Variants in MGAT4C observed in about 807,000 individuals in gnomAD.
The protein encoded by MGAT4C is MGAT4 family member C.
A neutral mutation model predicts 40.1 loss-of-function variants in MGAT4C; 19 were observed. The observed-to-expected ratio is 0.47, with a 90% CI of 0.33 to 0.70. The LOEUF (loss-of-function observed/expected upper bound fraction) is 0.70. Among genes scored for constraint, MGAT4C ranks in the 30% least tolerant of loss-of-function variants. The pLI, the probability that MGAT4C is intolerant of heterozygous loss-of-function variation, is 0.02. For missense variants in MGAT4C, 491 were observed against 563.2 expected (o/e 0.87, Z 1.30); for synonymous variants, 181 against 187.1 (o/e 0.97, Z 0.27).
intron 1 of MGAT4C, among the ~76,000 whole-genome samples, chr12:86,176,738 T>A (rs1887479010): frequency 6.6e-6 from 1 of 150,986 alleles, no homozygotes; most frequent in South Asian, 2.1e-4. Flanking sequence ...ATTTTAGCAA[T>A]GACATTAAAA....
intron 1 of MGAT4C, among the ~76,000 whole-genome samples, chr12:86,829,751 G>C (rs1275105139): frequency 6.6e-6 from 1 of 150,698 alleles, no homozygotes; most frequent in Non-Finnish European, 1.5e-5. Flanking sequence ...AAAGAAAATT[G>C]ATCATTTTCT....
At chr12:86,288,252 T>C (rs1379533443) in intron 4 of MGAT4C, among the ~76,000 whole-genome samples, 1 of 152,234 alleles carries the variant, frequency 6.6e-6, no homozygotes, top group East Asian at 1.9e-4. Context: ...ATTAGCCTTT[T>C]GTCAGATAAA....
At chr12:85,986,875 C>A (rs1436222120) in intron 3 of MGAT4C, among the ~76,000 whole-genome samples, 1 of 151,940 alleles carries the variant, frequency 6.6e-6, no homozygotes, top group Non-Finnish European at 1.5e-5. Flanking sequence ...GGATACTATT[C>A]ATTTTTAGAA....
chr12:86,731,897 C>A (rs1593158673), intron 1 of MGAT4C, among the ~76,000 whole-genome samples: 1 of 152,020 alleles, frequency 6.6e-6, no homozygotes, highest in African/African-American at 2.4e-5. Flanking sequence ...TACTTTTTTC[C>A]CCCTTCATTC....
intron 1 of MGAT4C, among the ~76,000 whole-genome samples, chr12:86,111,417 T>A (rs545593464): frequency 6.6e-6 from 1 of 151,950 alleles, no homozygotes; most frequent in Admixed American, 6.6e-5. Flanking sequence ...AATACAAGAC[T>A]ATGGAACAAG....
chr12:86,713,789 G>C (rs958554064), intron 2 of MGAT4C, among the ~76,000 whole-genome samples: 1 of 152,048 alleles, frequency 6.6e-6, no homozygotes, highest in East Asian at 1.9e-4. Flanking sequence ...CTTTTCCAAA[G>C]TCCCATAGCT....
At chr12:86,169,666 C>A (rs1886593248) in intron 1 of MGAT4C, among the ~76,000 whole-genome samples, 1 of 152,098 alleles carries the variant, frequency 6.6e-6, no homozygotes, top group African/African-American at 2.4e-5. Context: ...GCAGATGCTT[C>A]ACAGGTGACT....
At chr12:86,166,369 A>G (rs911582713) in intron 1 of MGAT4C, among the ~76,000 whole-genome samples, 3 of 152,218 alleles carry the variant, frequency 2.0e-5, no homozygotes, top group Non-Finnish European at 2.9e-5. Context: ...ATGTACTAGA[A>G]TAAAATTTGA....
rs539125740 is a variant in MGAT4C at position 86,044,377 on chromosome 12, G to A, written c.-7+5297C>T. Among the ~76,000 whole-genome samples, 9 of 152,304 alleles carry A rather than the reference G, an allele frequency of 5.9e-5. No individual in the cohort carries two copies. In the South Asian group the frequency reaches 1.9e-3, roughly 32 times the overall value. ...CACATGCCAGCAGCAGTGGCAGCAT[G>A]GTGGGTTACATGTTCATTGGTCGGG... On this transcript the variant is annotated intron_variant, in intron 2 of 4. Coordinates refer to ENST00000611864, the MANE Select transcript of MGAT4C (RefSeq NM_001351288.2).
At chr12:86,731,868 GT>G (rs545554317) in intron 1 of MGAT4C, among the ~76,000 whole-genome samples, 69 of 152,154 alleles carry the variant, frequency 4.5e-4, no homozygotes, top group Middle Eastern at 3.4e-3. Context: ...CATAAAGGCT[GT>G]TTTTTAGCTA....
intron 1 of MGAT4C, among the ~76,000 whole-genome samples, chr12:86,779,566 C>T (rs1297497138): frequency 2.0e-5 from 3 of 151,842 alleles, no homozygotes; most frequent in African/African-American, 4.8e-5. Flanking sequence ...GGCGACACTG[C>T]ACTACAGCCT....
At chr12:86,215,412 T>C (rs766206411) in intron 1 of MGAT4C, among the ~76,000 whole-genome samples, 5 of 152,192 alleles carry the variant, frequency 3.3e-5, no homozygotes, top group Non-Finnish European at 7.3e-5. Context: ...CCCCCACACA[T>C]AGCAAACTGC....
At chr12:86,480,559 T>C (rs1459382962) in intron 2 of MGAT4C, among the ~76,000 whole-genome samples, 5 of 149,424 alleles carry the variant, frequency 3.3e-5, no homozygotes. Flanking sequence ...TGTATACATA[T>C]ATAGATATGT....
chr12:86,090,556 T>C (rs188513034), intron 1 of MGAT4C, among the ~76,000 whole-genome samples: 1 of 151,996 alleles, frequency 6.6e-6, no homozygotes, highest in East Asian at 1.9e-4. Flanking sequence ...TCTGTAAATA[T>C]TCTTTACTTT....
chr12:86,159,529 C>T (rs1056222099), intron 1 of MGAT4C, among the ~76,000 whole-genome samples: 2 of 151,690 alleles, frequency 1.3e-5, no homozygotes, highest in Admixed American at 6.6e-5. Flanking sequence ...CAGGCTGATG[C>T]TGCCTTCATA....
chr12:86,619,329 C>T (rs981247443), intron 2 of MGAT4C, among the ~76,000 whole-genome samples: 3 of 152,044 alleles, frequency 2.0e-5, no homozygotes, highest in Non-Finnish European at 2.9e-5. Flanking sequence ...GTCATTCTCT[C>T]ATAGTATCTC....
chr12:86,458,934 ATT>A (rs11326103), intron 2 of MGAT4C, among the ~76,000 whole-genome samples: 4 of 151,248 alleles, frequency 2.6e-5, no homozygotes, highest in Non-Finnish European at 5.9e-5. Flanking sequence ...CAGTGACTTT[ATT>A]TTTTTTTTAC....
rs184201252 is a variant in MGAT4C at position 86,131,074 on chromosome 12, C to T, written c.-56-81351G>A. Reference sequence around the variant, plus strand: ...AAAACATCTCTCAAGTTTTCCAGACCTTAACGTTGAAAAGCACAGCATTTG... The same window carrying T: ...AAAACATCTCTCAAGTTTTCCAGACTTTAACGTTGAAAAGCACAGCATTTG... On this transcript the variant is annotated intron_variant, in intron 1 of 4. Transcript: ENST00000611864. Among the ~76,000 whole-genome samples, 154 of 152,128 alleles carry T rather than the reference C, an allele frequency of 1.0e-3. 1 individual carries two copies. In the Middle Eastern group the frequency reaches 0.01, roughly 10 times the overall value.
chr12:86,036,070 G>GT (rs1379972647), intron 2 of MGAT4C, among the ~76,000 whole-genome samples: 1 of 149,648 alleles, frequency 6.7e-6, no homozygotes, highest in Non-Finnish European at 1.5e-5. Context: ...CTCTTTTTTG[G>GT]TTCCATATGA....
Sources: gnomAD v4.1 joint callset for allele counts (sites outside exome capture counted in the v4.1 genomes callset) on GRCh38, gnomAD v4.1.1 for gene constraint, MANE v1.5 for transcripts, NCBI Gene and HGNC (gene_info 2026-07-23, HGNC 2026-07-21) for gene names.